The following CHIA variants were observed in gnomAD, a reference collection of about 807,000 sequenced individuals.
CHIA encodes the protein acidic mammalian chitinase.
In CHIA, 47 loss-of-function variants were observed where a neutral mutation model predicts 53.5. That is an observed-to-expected ratio of 0.88 (90% CI 0.70 to 1.12). CHIA has a LOEUF of 1.12. Among genes scored for constraint, CHIA ranks in the 50% most tolerant of loss-of-function variants. The pLI is 0.00. For synonymous variants in CHIA, 268 were observed against 222.2 expected, an observed-to-expected ratio of 1.21 and a Z score of -1.83; for missense variants, 652 against 592.2, an observed-to-expected ratio of 1.10 and a Z score of -1.05.
In CHIA at chr1:111,315,433, C is replaced by G; in HGVS notation, c.478C>G (p.Gln160Glu). Residue 160 changes from glutamine to glutamate, a missense_variant and splice_region_variant, in exon 6 of 12, where the codon CAG (glutamine) becomes GAG (glutamate). Physicochemically the swap from Gln to Glu is conservative, Grantham distance 29. Transcript: ENST00000369740. ...QDKHLFTVLV[Q>E]EMREAFEQEA... The stretch of plus-strand genomic sequence containing the variant: ...CAAGCATCTCTTCACTGTCCTGGTG[C>G]AGGTGGGGAAGGAAGTCCCAGTCTT... 2 of 1,611,704 alleles carry G rather than the reference C, an allele frequency of 1.2e-6. No individual in the cohort carries two copies. Among genetic ancestry groups the G allele is most frequent in the Admixed American group, 3.4e-5 (2 of 59,656 alleles).
intron 1 of CHIA, among the ~76,000 whole-genome samples, chr1:111,294,862 T>C (rs1363720619): frequency 6.6e-6 from 1 of 152,228 alleles, no homozygotes. Context: ...GTTAAATCAT[T>C]TCTTGCATTC....
chr1:111,291,960 C>T (rs186785148), intron 1 of CHIA, among the ~76,000 whole-genome samples: 3 of 151,970 alleles, frequency 2.0e-5, no homozygotes, highest in South Asian at 4.2e-4. Context: ...GAAACCTGCA[C>T]GTCCTGCACA....
In CHIA at chr1:111,310,434, A is replaced by G. The variant is rs200693541; in HGVS notation, c.-34A>G. ...TGATAACCACAGAATCAGAACATAT[A>G]AAAAGCTCTGCGGGACTGGTGCTGA... On this transcript the variant is annotated 5_prime_UTR_variant, in exon 2 of 12. In the 5' UTR this introduces an upstream ATG that the reference lacks. Coordinates refer to ENST00000369740, the MANE Select transcript of CHIA (RefSeq NM_201653.4). 8.6e-5 allele frequency: 116 copies of G among 1,350,714 alleles called. No individual in the cohort carries two copies. Among genetic ancestry groups the G allele is most frequent in the Middle Eastern group, 3.8e-4 (2 of 5,212 alleles). The allele number at this position is 1,350,714 out of a possible 1,614,324, so 83.7% of individuals were successfully genotyped here.
intron 3 of CHIA, 44 bp from the exon 4 acceptor site, chr1:111,312,146 G>A: frequency 3.3e-6 from 5 of 1,520,056 alleles, no homozygotes; most frequent in Non-Finnish European, 4.6e-6. Context: ...ACACTTCAGT[G>A]GATCCTAAAC....
intron 2 of CHIA, among the ~76,000 whole-genome samples, chr1:111,311,195 G>T (rs1281001905): frequency 6.6e-6 from 1 of 152,122 alleles, no homozygotes; most frequent in Non-Finnish European, 1.5e-5. Context: ...TCAGGGAAAG[G>T]TATCTGGAGT....
Position 111,314,625 on chromosome 1 carries a change from C to T in CHIA, c.314+29C>T, listed in dbSNP as rs145258192. 3.8e-5 allele frequency: 60 copies of T among 1,579,594 alleles called. No individual in the cohort carries two copies. In the African/African-American group the frequency reaches 5.4e-4, roughly 14 times the overall value. On this transcript the variant is annotated intron_variant, in intron 5 of 11. Coordinates refer to ENST00000369740, the MANE Select transcript of CHIA (RefSeq NM_201653.4). The stretch of plus-strand genomic sequence containing the variant: ...AGTCTTCTATGGAGAGCATGTTGTT[C>T]GTTTGCTATGGAAAACAAGTTAGCC...
intron 3 of CHIA, 121 bp downstream of exon 3, chr1:111,311,839 T>C (rs1045567216): frequency 1.9e-6 from 2 of 1,054,644 alleles, no homozygotes; most frequent in Non-Finnish European, 2.9e-6. Context: ...TAATCTAGTG[T>C]TTTGGATTGG....
intron 4 of CHIA, 104 bp downstream of exon 4, chr1:111,312,495 C>A (rs1648771160): frequency 1.1e-6 from 1 of 889,254 alleles, no homozygotes. Flanking sequence ...GAGATGGGGA[C>A]CAAGACTCTG....
chr1:111,298,589 T>A (rs1433371324), intron 1 of CHIA, among the ~76,000 whole-genome samples: 2 of 152,092 alleles, frequency 1.3e-5, no homozygotes, highest in African/African-American at 4.8e-5. Context: ...GTTAAAGCAG[T>A]GTGTAGAGGG....
intron 6 of CHIA, chr1:111,316,170 C>T (rs908865138): frequency 4.0e-5 from 8 of 201,486 alleles, no homozygotes; most frequent in Non-Finnish European, 8.2e-5. Flanking sequence ...AAATGATATA[C>T]AGATAAGTGT....
At chr1:111,317,307 G>A (rs992251307) in intron 6 of CHIA, 2 of 199,218 alleles carry the variant, frequency 1.0e-5, no homozygotes, top group Admixed American at 1.0e-4. Flanking sequence ...CTATAAAGTA[G>A]TTCATCTACT....
rs145808335 is a variant in CHIA at position 111,311,812 on chromosome 1, T to C, written c.55+94T>C. 3.1e-4 allele frequency: 422 copies of C among 1,348,236 alleles called. No homozygotes were observed. In the African/African-American group the frequency reaches 5.5e-3, roughly 17 times the overall value. The allele number at this position is 1,348,236 out of a possible 1,614,324, so 83.5% of individuals were successfully genotyped here. On this transcript the variant is annotated intron_variant, in intron 3 of 11. Transcript: ENST00000369740. ...AGCCGCTGTTTGCTTCACAGACAGATGGGTTTGATTTGGGAGTAATCTAGT... is the reference window on the plus strand; with the variant it reads ...AGCCGCTGTTTGCTTCACAGACAGACGGGTTTGATTTGGGAGTAATCTAGT...
intron 5 of CHIA, chr1:111,314,910 A>G (rs1397679203): frequency 1.6e-5 from 6 of 383,784 alleles, no homozygotes; most frequent in African/African-American, 4.1e-5. Flanking sequence ...GCTTCCCTCT[A>G]TTTATCTTCT....
At chr1:111,317,643 G>A in intron 6 of CHIA, 38 bp from the exon 7 acceptor site, 1 of 1,612,200 alleles carries the variant, frequency 6.2e-7, no homozygotes, top group Non-Finnish European at 8.5e-7. Context: ...GCTAAAATCA[G>A]CATCATAGAT....
At chr1:111,299,658 A>G (rs1035062175) in intron 1 of CHIA, among the ~76,000 whole-genome samples, 1 of 152,226 alleles carries the variant, frequency 6.6e-6, no homozygotes, top group Non-Finnish European at 1.5e-5. Context: ...AACTGGAAGC[A>G]TTCCCTTTGA....
intron 1 of CHIA, among the ~76,000 whole-genome samples, chr1:111,309,125 C>T (rs977012805): frequency 6.6e-6 from 1 of 152,188 alleles, no homozygotes; most frequent in African/African-American, 2.4e-5. Flanking sequence ...CACCATGGCA[C>T]ATGTTTACCT....
At chr1:111,311,284 A>G (rs1648647339) in intron 2 of CHIA, among the ~76,000 whole-genome samples, 1 of 152,220 alleles carries the variant, frequency 6.6e-6, no homozygotes, top group African/African-American at 2.4e-5. Context: ...TAAAGGCCAG[A>G]AGATACTGAA....
At chr1:111,294,224 C>T (rs4546920) in intron 1 of CHIA, among the ~76,000 whole-genome samples, 42,297 of 152,066 alleles carry the variant, frequency 0.28, 6,155 homozygotes, top group East Asian at 0.35. Context: ...CATTTATTCA[C>T]ATTTTCTTTA....
In CHIA at chr1:111,311,733, C is replaced by T; in HGVS notation, c.55+15C>T. The T allele has an allele frequency of 6.2e-7, 1 of 1,612,172 alleles. No homozygotes were observed. Among genetic ancestry groups the T allele is most frequent in the East Asian group, 2.2e-5 (1 of 44,864 alleles). ...TTTGCAGCTCGGTAAGTCATGGACTCCATGTTTTATCATTGAATGTATATA... is the reference window on the plus strand; with the variant it reads ...TTTGCAGCTCGGTAAGTCATGGACTTCATGTTTTATCATTGAATGTATATA... On this transcript the variant is annotated intron_variant, in intron 3 of 11. Coordinates refer to ENST00000369740, the MANE Select transcript of CHIA (RefSeq NM_201653.4).
Sources: allele counts gnomAD v4.1 joint callset (sites outside exome capture counted in the v4.1 genomes callset), GRCh38; gene constraint gnomAD v4.1.1; transcripts MANE v1.5; gene names NCBI Gene and HGNC (gene_info 2026-07-23, HGNC 2026-07-21).